The following ALDH8A1 variants were observed in gnomAD, a reference collection of about 807,000 sequenced individuals.
The protein encoded by ALDH8A1 is 2-aminomuconic semialdehyde dehydrogenase.
Under a neutral mutation model 43.3 loss-of-function variants are expected in ALDH8A1, and 39 were observed. The observed-to-expected ratio is 0.90, with a 90% CI of 0.70 to 1.18. ALDH8A1 has a LOEUF of 1.18. Ranked by LOEUF, ALDH8A1 falls within the 50% of genes most tolerant of loss-of-function variation. The pLI is 0.00. For synonymous variants in ALDH8A1, 233 were observed against 243.5 expected (o/e 0.96, Z 0.40); for missense variants, 605 against 622.6 (o/e 0.97, Z 0.30).
At chr6:134,938,722 A>T (rs1208984426) in intron 4 of ALDH8A1, among the ~76,000 whole-genome samples, 1 of 152,104 alleles carries the variant, frequency 6.6e-6, no homozygotes, top group African/African-American at 2.4e-5. Context: ...ATCTCGGCTC[A>T]CTGCAAGCTC....
rs1353092386 is a variant in ALDH8A1 at position 134,939,300 on chromosome 6, A to G, written c.558T>C (p.Thr186=). Residue 186 remains threonine (T), a synonymous_variant, in exon 4 of 7, where the codon ACT becomes ACC. Transcript: ENST00000265605. The part of the protein sequence containing the change: ...IAKPSELTSV[T]AWMLCKLLDK... ...CCAGGAGTTTGCACAACATCCACGC[A>G]GTCACTGAAGTCAGCTCACTGGGCT... 1 of 1,614,232 alleles carries G rather than the reference A, an allele frequency of 6.2e-7. No homozygotes were observed. The highest frequency in any genetic ancestry group is 1.7e-5 in the Admixed American group (1 of 60,024).
At chr6:134,930,429 T>C (rs553780053) in intron 5 of ALDH8A1, among the ~76,000 whole-genome samples, 43 of 152,194 alleles carry the variant, frequency 2.8e-4, no homozygotes, top group Non-Finnish European at 1.9e-4. Context: ...AGTTGGCATG[T>C]AACCACATTC....
intron 4 of ALDH8A1, 143 bp downstream of exon 4, chr6:134,939,123 T>C: frequency 7.7e-7 from 1 of 1,291,598 alleles, no homozygotes; most frequent in Non-Finnish European, 1.1e-6. Flanking sequence ...ACCCTGTGGG[T>C]GGAGGGGATT....
At chr6:134,932,696 C>G in intron 5 of ALDH8A1, 80 bp downstream of exon 5, 1 of 1,553,174 alleles carries the variant, frequency 6.4e-7, no homozygotes, top group Non-Finnish European at 8.7e-7. Context: ...CTGGCTTGCT[C>G]CCAGGCATTG....
At chr6:134,927,306 GA>G (rs1429051219) in intron 6 of ALDH8A1, among the ~76,000 whole-genome samples, 1 of 151,076 alleles carries the variant, frequency 6.6e-6, no homozygotes, top group Non-Finnish European at 1.5e-5. Context: ...TGTTAAAAAA[GA>G]AAGAAGAAGA....
chr6:134,942,955 A>C (rs1773883664), intron 2 of ALDH8A1, among the ~76,000 whole-genome samples: 1 of 152,204 alleles, frequency 6.6e-6, no homozygotes. Context: ...GCACAAAACG[A>C]AACACTTTTA....
chr6:134,931,777 T>C (rs1776990158), intron 5 of ALDH8A1, among the ~76,000 whole-genome samples: 1 of 152,254 alleles, frequency 6.6e-6, no homozygotes, highest in Non-Finnish European at 1.5e-5. Flanking sequence ...AGAGTTACAG[T>C]GAGAGAAATA....
At chr6:134,920,945 T>C (rs1194000939) in intron 6 of ALDH8A1, among the ~76,000 whole-genome samples, 1 of 152,226 alleles carries the variant, frequency 6.6e-6, no homozygotes, top group East Asian at 1.9e-4. Flanking sequence ...CTTTTAGATG[T>C]CCTGTGCCTC....
chr6:134,931,976 T>C (rs1254252149), intron 5 of ALDH8A1, among the ~76,000 whole-genome samples: 1 of 152,244 alleles, frequency 6.6e-6, no homozygotes, highest in African/African-American at 2.4e-5. Context: ...CTCATTTCAC[T>C]GCTGTTTCCT....
intron 5 of ALDH8A1, among the ~76,000 whole-genome samples, chr6:134,931,910 T>G (rs2294321): frequency 0.67 from 101,570 of 152,068 alleles, 34,231 homozygotes; most frequent in East Asian, 0.75. Flanking sequence ...AGCAATGCAG[T>G]TTCAAAAGTT....
At chr6:134,930,809 A>G (rs539972037) in intron 5 of ALDH8A1, among the ~76,000 whole-genome samples, 27 of 152,326 alleles carry the variant, frequency 1.8e-4, no homozygotes, top group Middle Eastern at 6.8e-3. Flanking sequence ...CAAGATGCCC[A>G]CAAGAAAGAC....
intron 2 of ALDH8A1, among the ~76,000 whole-genome samples, chr6:134,942,773 T>C (rs1773880456): frequency 2.0e-5 from 3 of 151,862 alleles, no homozygotes; most frequent in Admixed American, 6.6e-5. Context: ...AGGTGGGGGG[T>C]TAAAATTGAG....
intron 6 of ALDH8A1, among the ~76,000 whole-genome samples, chr6:134,926,979 C>A (rs1001022471): frequency 1.3e-5 from 2 of 152,134 alleles, no homozygotes; most frequent in African/African-American, 4.8e-5. Context: ...TGAAAGGAAC[C>A]AAGGCTCAGT....
chr6:134,942,231 A>G (rs1223499173), intron 3 of ALDH8A1, 178 bp downstream of exon 3: 5 of 803,488 alleles, frequency 6.2e-6, no homozygotes, highest in Non-Finnish European at 8.9e-6. Context: ...AAAGAAAAGC[A>G]GGGAATTTGA....
chr6:134,932,839 G>T lies in ALDH8A1; in HGVS notation c.786C>A (p.Ile262=). Residue 262 remains isoleucine (I), a synonymous_variant, in exon 5 of 7, where the codon ATC becomes ATA. Transcript: ENST00000265605. ...ACTCATCCAGGTTGGCGTCCTCAAA[G>T]ATGATGGCAGGATTCTTGCCCCCCA... The part of the protein sequence containing the change: ...LELGGKNPAI[I]FEDANLDECI... The T allele has an allele frequency of 6.2e-7, 1 of 1,614,242 alleles. No individual in the cohort carries two copies. The highest frequency in any genetic ancestry group is 8.5e-7 in the Non-Finnish European group (1 of 1,180,048).
intron 4 of ALDH8A1, among the ~76,000 whole-genome samples, chr6:134,937,270 C>T (rs1773758021): frequency 6.6e-6 from 1 of 152,190 alleles, no homozygotes; most frequent in Non-Finnish European, 1.5e-5. Flanking sequence ...ACATCCAGAA[C>T]GAATTAGTTA....
intron 5 of ALDH8A1, 140 bp from the exon 6 acceptor site, chr6:134,929,355 C>T: frequency 2.7e-6 from 2 of 735,576 alleles, no homozygotes; most frequent in South Asian, 2.5e-5. Context: ...AAGTTCCCAC[C>T]ATGTGGAACA....
Position 134,918,607 on chromosome 6 carries a change from C to A in ALDH8A1, c.1272G>T (p.Trp424Cys), listed in dbSNP as rs1243708697. The A allele has an allele frequency of 2.5e-6, 4 of 1,614,192 alleles. No individual in the cohort carries two copies. Among genetic ancestry groups the A allele is most frequent in the Non-Finnish European group, 3.4e-6 (4 of 1,180,048 alleles). ...NVKYGLAATVWSSNVGRVHRV... is the reference protein window; with the variant it reads ...NVKYGLAATVCSSNVGRVHRV... ...GGTGGACGCGCCCCACATTGCTGGA[C>A]CACACGGTAGCCGCCAGCCCATACT... Residue 424 changes from tryptophan to cysteine, a missense_variant, in exon 7 of 7, where the codon TGG becomes TGT. By Grantham distance (215) the Trp-to-Cys change is radical. Transcript: ENST00000265605.
Position 134,918,433 on chromosome 6 carries a change from G to C in ALDH8A1, c.1446C>G (p.Thr482=), listed in dbSNP as rs746552486. ...GCAAAGATCAGTGTTTAACGGTGAT[G>C]GTTTTGATCTCAGTGAAGAAGTCGT... The part of the protein sequence containing the change: ...DSYDFFTEIK[T]ITVKH Residue 482 remains threonine (T), a synonymous_variant, in exon 7 of 7, where the codon ACC becomes ACG. Transcript: ENST00000265605. The C allele has an allele frequency of 4.2e-5, 68 of 1,613,984 alleles. No homozygotes were observed. In the East Asian group the frequency reaches 1.4e-3, roughly 34 times the overall value.
Sources: gnomAD v4.1 joint callset for allele counts (sites outside exome capture counted in the v4.1 genomes callset) on GRCh38, gnomAD v4.1.1 for gene constraint, MANE v1.5 for transcripts, NCBI Gene and HGNC (gene_info 2026-07-23, HGNC 2026-07-21) for gene names.